PTAFR: variants seen among roughly 807,000 people sequenced by gnomAD.
The protein encoded by PTAFR is platelet activating factor receptor.
In PTAFR, 8 loss-of-function variants were observed where a neutral mutation model predicts 14.7. That is an observed-to-expected ratio of 0.54 (90% CI 0.32 to 0.98). The LOEUF is 0.98. Among genes scored for constraint, PTAFR ranks in the 50% least tolerant of loss-of-function variants. PTAFR has a pLI of 0.04. For missense variants in PTAFR, 337 were observed against 451.2 expected (o/e 0.75, Z 2.29); for synonymous variants, 156 against 176.5 (o/e 0.88, Z 0.92).
At position 28,150,778 on chromosome 1, in the gene PTAFR, T is replaced by G; in HGVS notation, c.244A>C (p.Asn82His). ...CACAGGAATTTGGGGAGTATCCAGTTGCCCTGGTTTTGGTAGTAGACAATC... is the reference window on the plus strand; with the variant it reads ...CACAGGAATTTGGGGAGTATCCAGTGGCCCTGGTTTTGGTAGTAGACAATC... ...LWIVYYQNQG[N>H]WILPKFLCNV... Residue 82 changes from asparagine (N) to histidine (H), a missense_variant, in exon 2 of 2, where the codon AAC (asparagine) becomes CAC (histidine). Transcript: ENST00000373857. The surrounding 1 kb of genome is among the most constrained non-coding windows in gnomAD (Gnocchi z 6.3). The G allele has an allele frequency of 1.2e-6, 2 of 1,614,142 alleles. No individual in the cohort carries two copies. The highest frequency in any genetic ancestry group is 2.2e-5 in the South Asian group (2 of 91,064).
intron 1 of PTAFR, among the ~76,000 whole-genome samples, chr1:28,188,036 G>A (rs1646620929): frequency 6.6e-6 from 1 of 151,964 alleles, no homozygotes. Context: ...AAATGGCCGG[G>A]AGCAGTGGCT....
At chr1:28,156,580 G>T (rs1217154506) in intron 1 of PTAFR, among the ~76,000 whole-genome samples, 1 of 152,158 alleles carries the variant, frequency 6.6e-6, no homozygotes, top group Non-Finnish European at 1.5e-5. Flanking sequence ...GTTTAAAAAT[G>T]AAAATTTTTA....
At chr1:28,174,184 G>T (rs1417791627) in intron 1 of PTAFR, among the ~76,000 whole-genome samples, 3 of 152,138 alleles carry the variant, frequency 2.0e-5, no homozygotes, top group African/African-American at 7.2e-5. Flanking sequence ...CCCAGCACTT[G>T]CCCTTTGGGA....
chr1:28,157,203 A>G (rs908098667), intron 1 of PTAFR, among the ~76,000 whole-genome samples: 22 of 151,822 alleles, frequency 1.4e-4, no homozygotes, highest in Admixed American at 1.4e-3. Flanking sequence ...GCAGTGGCAC[A>G]ATCTTGGCTT....
intron 1 of PTAFR, among the ~76,000 whole-genome samples, chr1:28,167,192 G>GTT (rs1175317720): frequency 6.6e-6 from 1 of 152,100 alleles, no homozygotes; most frequent in East Asian, 1.9e-4. Flanking sequence ...GGGAGAAAAG[G>GTT]CAACCTTTCG....
chr1:28,190,161 G>A (rs1057079005), intron 1 of PTAFR, among the ~76,000 whole-genome samples: 6 of 151,428 alleles, frequency 4.0e-5, no homozygotes, highest in Admixed American at 6.6e-5. Context: ...TAGTAGAGAC[G>A]GGGTTTCTCC....
At chr1:28,184,487 C>G (rs1006451726) in intron 1 of PTAFR, among the ~76,000 whole-genome samples, 7 of 152,166 alleles carry the variant, frequency 4.6e-5, no homozygotes, top group African/African-American at 1.7e-4. Context: ...CCTTCCATCT[C>G]ACGTACAGGA....
chr1:28,151,268 C>T (rs1646184008), intron 1 of PTAFR, among the ~76,000 whole-genome samples: 1 of 152,130 alleles, frequency 6.6e-6, no homozygotes, highest in African/African-American at 2.4e-5. Context: ...CAACCTCCGC[C>T]TCCCGGGTTC....
Position 28,150,032 on chromosome 1 carries a change from CA to C in PTAFR, c.989del (p.Val330GlyfsTer20), listed in dbSNP as rs754505668. ...ATTDTVTEVV[V>X]PFNQIPGNSL... ...AATTGCCAGGGATCTGGTTGAATGG[CA>C]CAACCACTTCAGTGACCGTATCCGT... is the stretch of plus-strand genomic sequence containing the variant. On this transcript the variant is annotated frameshift_variant, in exon 2 of 2. Coordinates refer to ENST00000373857, the MANE Select transcript of PTAFR (RefSeq NM_000952.5). LOFTEE classifies it high-confidence loss of function. This position sits in a 1 kb window ranked among gnomAD's most constrained non-coding sequence, Gnocchi z 6.3. 6.2e-7 allele frequency: 1 copy of C among 1,613,934 alleles called. No individual in the cohort carries two copies. The highest frequency in any genetic ancestry group is 1.3e-5 in the African/African-American group (1 of 75,054).
chr1:28,188,512 G>A (rs1646624351), intron 1 of PTAFR, among the ~76,000 whole-genome samples: 1 of 152,196 alleles, frequency 6.6e-6, no homozygotes, highest in Admixed American at 6.5e-5. Flanking sequence ...GCCAAGGCAG[G>A]AGGATCATCT....
intron 1 of PTAFR, among the ~76,000 whole-genome samples, chr1:28,164,660 C>T (rs538444588): frequency 2.0e-5 from 3 of 152,292 alleles, no homozygotes; most frequent in East Asian, 3.8e-4. Flanking sequence ...AGTCACACAG[C>T]GGGGAAGTGG....
intron 1 of PTAFR, among the ~76,000 whole-genome samples, chr1:28,173,586 G>GGCTGCAGTGAGGTGTGATCACGCC (rs1646477430): frequency 6.6e-6 from 1 of 151,780 alleles, no homozygotes; most frequent in African/African-American, 2.4e-5. Context: ...AGGAGATCGA[G>GGCTGCAGTGAGGTGTGATCACGCC]GCTGCAGTGA....
chr1:28,177,996 G>C (rs1646531880), upstream of PTAFR, among the ~76,000 whole-genome samples: 1 of 152,050 alleles, frequency 6.6e-6, no homozygotes, highest in Non-Finnish European at 1.5e-5. Context: ...GCACCCCCAG[G>C]CACCAGGCAC....
chr1:28,183,589 C>T (rs1364482094), intron 1 of PTAFR, among the ~76,000 whole-genome samples: 1 of 152,188 alleles, frequency 6.6e-6, no homozygotes, highest in Non-Finnish European at 1.5e-5. Flanking sequence ...GACTACACCA[C>T]TGCCACTCCA....
intron 1 of PTAFR, among the ~76,000 whole-genome samples, chr1:28,164,701 T>C (rs1442370090): frequency 6.6e-6 from 1 of 152,206 alleles, no homozygotes; most frequent in African/African-American, 2.4e-5. Context: ...CCAAGGTTCA[T>C]TCTGACTCTC....
intron 1 of PTAFR, among the ~76,000 whole-genome samples, chr1:28,153,176 C>T (rs980939497): frequency 2.0e-5 from 3 of 152,136 alleles, no homozygotes; most frequent in Non-Finnish European, 2.9e-5. Flanking sequence ...TGGTGCACGC[C>T]TGTAGTCTCA....
intron 1 of PTAFR, among the ~76,000 whole-genome samples, chr1:28,162,190 T>C (rs958412399): frequency 3.9e-5 from 6 of 152,104 alleles, no homozygotes; most frequent in Non-Finnish European, 8.8e-5. Flanking sequence ...AGGTAGAGAA[T>C]AGATGGTAGG....
intron 1 of PTAFR, among the ~76,000 whole-genome samples, chr1:28,191,839 G>A (rs752861213): frequency 9.2e-5 from 14 of 151,870 alleles, no homozygotes; most frequent in Non-Finnish European, 1.8e-4. Flanking sequence ...GCCAAGGCGA[G>A]AGGATCGCTT....
intron 1 of PTAFR, among the ~76,000 whole-genome samples, chr1:28,181,750 T>A (rs1156741330): frequency 6.7e-6 from 1 of 149,498 alleles, no homozygotes; most frequent in Non-Finnish European, 1.5e-5. Flanking sequence ...CTCAAAAAAA[T>A]AAAAATAAAT....
Sources: gnomAD v4.1 joint callset for allele counts (sites outside exome capture counted in the v4.1 genomes callset) on GRCh38, gnomAD v4.1.1 for gene constraint, Gnocchi (gnomAD v3.1) non-coding constraint, MANE v1.5 for transcripts, NCBI Gene and HGNC (gene_info 2026-07-23, HGNC 2026-07-21) for gene names.